SLC44A5: variants seen among roughly 807,000 people sequenced by gnomAD.
The protein encoded by SLC44A5 is solute carrier family 44 member 5.
In SLC44A5, 57 loss-of-function variants were observed where a neutral mutation model predicts 101.8. The observed-to-expected ratio is 0.56, with a 90% CI of 0.45 to 0.70. The LOEUF is 0.70. SLC44A5 is among the 30% of genes least tolerant of loss of function. The pLI, the probability that SLC44A5 is intolerant of heterozygous loss-of-function variation, is 0.00. For synonymous variants in SLC44A5, 281 were observed against 290.9 expected (o/e 0.97, Z 0.35); for missense variants, 737 against 853.1 (o/e 0.86, Z 1.70).
intron 4 of SLC44A5, among the ~76,000 whole-genome samples, chr1:75,315,315 C>A (rs1655609146): frequency 6.6e-6 from 1 of 152,118 alleles, no homozygotes; most frequent in South Asian, 2.1e-4. Context: ...AATAAGTTTG[C>A]ACCAGTCTAT....
chr1:75,664,585 C>A, the SLC44A5 span, among the ~76,000 whole-genome samples: 1 of 152,016 alleles, frequency 6.6e-6, no homozygotes, highest in Non-Finnish European at 1.5e-5. Flanking sequence ...AATAAAATAT[C>A]TAGGAATACA....
intron 4 of SLC44A5, among the ~76,000 whole-genome samples, chr1:75,328,699 G>GA (rs1176697762): frequency 2.0e-5 from 3 of 152,106 alleles, no homozygotes; most frequent in African/African-American, 4.8e-5. Flanking sequence ...AGCTCCCTGG[G>GA]AAAAAATAGT....
intron 1 of SLC44A5, among the ~76,000 whole-genome samples, chr1:75,594,942 T>C (rs1029875147): frequency 1.3e-5 from 2 of 151,980 alleles, no homozygotes; most frequent in Non-Finnish European, 2.9e-5. Flanking sequence ...GTAAAACATA[T>C]AAGGCTGAAA....
intron 6 of SLC44A5, among the ~76,000 whole-genome samples, chr1:75,251,980 A>G (rs1436571956): frequency 6.6e-6 from 1 of 152,130 alleles, no homozygotes; most frequent in Non-Finnish European, 1.5e-5. Flanking sequence ...TACTATTCCT[A>G]CCTACTTCAC....
chr1:75,576,750 C>G lies in SLC44A5; in HGVS notation c.-70+34290G>C, dbSNP rs182868436. On this transcript the variant is annotated intron_variant, in intron 1 of 23. Coordinates refer to ENST00000370859, the MANE Select transcript of SLC44A5 (RefSeq NM_001130058.2). Reference sequence around the variant, plus strand: ...TATACTCATTTCTGAAATCCTTAGACGCAGATCTCATGGTGCTTAGAAGCA... The same window carrying G: ...TATACTCATTTCTGAAATCCTTAGAGGCAGATCTCATGGTGCTTAGAAGCA... Among the ~76,000 whole-genome samples, 354 of 152,314 alleles carry G rather than the reference C, an allele frequency of 2.3e-3. 2 individuals carry two copies. Among genetic ancestry groups the G allele is most frequent in the African/African-American group, 8.2e-3 (339 of 41,560 alleles).
the SLC44A5 span, among the ~76,000 whole-genome samples, chr1:75,644,974 G>T: frequency 6.6e-6 from 1 of 152,118 alleles, no homozygotes; most frequent in Non-Finnish European, 1.5e-5. Context: ...TTTAATGGCT[G>T]CATAGTATTC....
chr1:75,663,533 C>T, the SLC44A5 span, among the ~76,000 whole-genome samples: 1 of 152,154 alleles, frequency 6.6e-6, no homozygotes, highest in Admixed American at 6.6e-5. Context: ...CTATTATGAA[C>T]ACTTCTGTGC....
At chr1:75,700,364 G>A in the SLC44A5 span, among the ~76,000 whole-genome samples, 39,753 of 151,144 alleles carry the variant, frequency 0.26, 6,444 homozygotes, top group East Asian at 0.68. Flanking sequence ...ACTCAAAACC[G>A]CTCAACTACA....
chr1:75,451,415 A>G (rs1665901937), intron 2 of SLC44A5, among the ~76,000 whole-genome samples: 1 of 152,218 alleles, frequency 6.6e-6, no homozygotes, highest in Non-Finnish European at 1.5e-5. Context: ...ATAAGGCTAT[A>G]GAAGCAAAAC....
intron 14 of SLC44A5, among the ~76,000 whole-genome samples, chr1:75,220,338 T>C (rs1647052557): frequency 1.3e-5 from 2 of 152,250 alleles, no homozygotes; most frequent in East Asian, 1.9e-4. Context: ...TACTTTTACA[T>C]GACATGGCTT....
chr1:75,433,779 T>A (rs1400016898), intron 2 of SLC44A5, among the ~76,000 whole-genome samples: 1 of 152,150 alleles, frequency 6.6e-6, no homozygotes, highest in Non-Finnish European at 1.5e-5. Context: ...CTGATAAAGA[T>A]GTACCCGAGA....
chr1:75,614,818 G>A (rs1303719067), upstream of SLC44A5, among the ~76,000 whole-genome samples: 3 of 152,024 alleles, frequency 2.0e-5, no homozygotes, highest in African/African-American at 7.2e-5. Context: ...GTTCCCCCGC[G>A]CACAGCCTTC....
chr1:75,217,866 G>A lies in SLC44A5; in HGVS notation c.1624C>T (p.Arg542Cys), dbSNP rs767604758. 55 of 1,566,552 alleles carry A rather than the reference G, an allele frequency of 3.5e-5. No individual in the cohort carries two copies. Among genetic ancestry groups the A allele is most frequent in the African/African-American group, 1.8e-4 (13 of 73,870 alleles). ...AAAGTCAGGACATCTGAAATCTTAC[G>A]TTTAAGACGGTGGTCCAAGTATTCT... Reference protein sequence around the residue: ...VLEYLDHRLKRTQNTLSKFLQ... With the variant: ...VLEYLDHRLKCTQNTLSKFLQ... The change falls in exon 18 of 24, where the codon CGT becomes TGT. Residue 542 changes from arginine (R) to cysteine (C), a missense_variant and splice_region_variant. Around this residue, in one of 3 missense-constraint regions of SLC44A5, gnomAD observed 665 missense variants for 764.4 expected, o/e 0.87. Coordinates refer to ENST00000370859, the MANE Select transcript of SLC44A5 (RefSeq NM_001130058.2).
upstream of SLC44A5, among the ~76,000 whole-genome samples, chr1:75,614,930 G>A (rs962959623): frequency 6.6e-6 from 1 of 152,048 alleles, no homozygotes; most frequent in Non-Finnish European, 1.5e-5. Context: ...GAGCCGACAA[G>A]CTGCGACCTC....
the SLC44A5 span, among the ~76,000 whole-genome samples, chr1:75,648,046 A>T: frequency 2.0e-5 from 3 of 152,302 alleles, no homozygotes; most frequent in Admixed American, 2.0e-4. Flanking sequence ...TTCCCCACCC[A>T]AATCTCATCT....
At chr1:75,662,161 A>C in the SLC44A5 span, among the ~76,000 whole-genome samples, 2 of 152,146 alleles carry the variant, frequency 1.3e-5, no homozygotes, top group Non-Finnish European at 2.9e-5. Flanking sequence ...AATCAATTTT[A>C]TTCAGTCATA....
intron 1 of SLC44A5, among the ~76,000 whole-genome samples, chr1:75,552,614 A>T (rs1429331637): frequency 6.9e-6 from 1 of 144,742 alleles, no homozygotes; most frequent in Middle Eastern, 3.5e-3. Flanking sequence ...TAAAGCATAA[A>T]TTGTATGGCT....
intron 3 of SLC44A5, among the ~76,000 whole-genome samples, chr1:75,358,639 A>T (rs536633305): frequency 1.3e-5 from 2 of 152,236 alleles, no homozygotes; most frequent in South Asian, 4.1e-4. Flanking sequence ...AGTATTATTA[A>T]CTGTAGTCAC....
At chr1:75,306,251 A>G (rs1042518290) in intron 4 of SLC44A5, among the ~76,000 whole-genome samples, 4 of 152,206 alleles carry the variant, frequency 2.6e-5, no homozygotes, top group Admixed American at 1.3e-4. Context: ...ACATTTATAG[A>G]AAAAGTTTAC....
Sources: allele counts gnomAD v4.1 joint callset (sites outside exome capture counted in the v4.1 genomes callset), GRCh38; gene constraint gnomAD v4.1.1; regional missense constraint gnomAD v4.1.1; transcripts MANE v1.5; gene names NCBI Gene and HGNC (gene_info 2026-07-23, HGNC 2026-07-21).